ACAD11: variants seen among roughly 807,000 people sequenced by gnomAD.
The protein encoded by ACAD11 is acyl-CoA dehydrogenase family member 11, also known as acyl-Coenzyme A dehydrogenase family, member 11.
Under a neutral mutation model 102.2 loss-of-function variants are expected in ACAD11, and 83 were observed. That is an observed-to-expected ratio of 0.81 (90% CI 0.68 to 0.97). The LOEUF (loss-of-function observed/expected upper bound fraction) is 0.97, where lower values mean the gene tolerates loss of function less well. Among genes scored for constraint, ACAD11 ranks in the 50% least tolerant of loss-of-function variants. The probability of loss-of-function intolerance (pLI) is 0.00; values close to 1 mark genes in which losing one functional copy is unlikely to be tolerated. For synonymous variants in ACAD11, 324 were observed against 319.8 expected (o/e 1.01, Z -0.14); for missense variants, 901 against 951.7 (o/e 0.95, Z 0.70).
intron 5 of ACAD11, among the ~76,000 whole-genome samples, chr3:132,632,838 C>G (rs1940105062): frequency 1.3e-5 from 2 of 152,174 alleles, no homozygotes; most frequent in African/African-American, 4.8e-5. Flanking sequence ...CTCTTTGAAG[C>G]AATTGTGAAT....
At chr3:132,648,661 T>C (rs893142234) in intron 1 of ACAD11, 6 of 152,246 alleles carry the variant, frequency 3.9e-5, no homozygotes, top group African/African-American at 1.4e-4. Flanking sequence ...TTGCTGCTTT[T>C]TAATTTTACT....
intron 11 of ACAD11, among the ~76,000 whole-genome samples, chr3:132,610,149 A>G (rs891356074): frequency 5.9e-5 from 9 of 152,218 alleles, no homozygotes; most frequent in African/African-American, 1.9e-4. Context: ...GCTATTTATG[A>G]CAAACCCACA....
chr3:132,617,592 T>G (rs999482658), intron 11 of ACAD11, among the ~76,000 whole-genome samples: 5 of 152,196 alleles, frequency 3.3e-5, no homozygotes, highest in Admixed American at 6.5e-5. Context: ...CTCACCAGGA[T>G]TATTGCCACT....
intron 5 of ACAD11, among the ~76,000 whole-genome samples, chr3:132,638,609 T>C (rs1940362447): frequency 1.3e-5 from 2 of 152,284 alleles, no homozygotes; most frequent in South Asian, 4.1e-4. Context: ...CCAAGTCTAG[T>C]GGGTTCTAAT....
At chr3:132,562,443 G>C (rs72998120) in intron 17 of ACAD11, among the ~76,000 whole-genome samples, 3,763 of 152,286 alleles carry the variant, frequency 0.025, 160 homozygotes, top group African/African-American at 0.085. Context: ...TTTTTGTGTG[G>C]ACATGTTTTC....
chr3:132,576,770 A>G (rs983733751), intron 16 of ACAD11, among the ~76,000 whole-genome samples, 174 bp downstream of exon 16: 3 of 152,218 alleles, frequency 2.0e-5, no homozygotes, highest in African/African-American at 7.2e-5. Context: ...AAAAACTGCA[A>G]TTACCTTGGT....
Position 132,652,816 on chromosome 3 carries a change from G to A in ACAD11, c.149+6787C>T, listed in dbSNP as rs1242222736. Among the ~76,000 whole-genome samples the A allele has an allele frequency of 2.6e-5, 4 of 152,140 alleles. No homozygotes were observed. In the East Asian group the frequency reaches 7.7e-4, roughly 29 times the overall value. On this transcript the variant is annotated intron_variant, in intron 1 of 19. Coordinates refer to ENST00000264990, the MANE Select transcript of ACAD11 (RefSeq NM_032169.5). ...GGGTAGCTTCAGCCTGATCTCACCA[G>A]TGTGTAGGTGGGGGTAAAGGTAATG... is the stretch of plus-strand genomic sequence containing the variant.
In ACAD11 at chr3:132,598,914, G is replaced by A. The variant is rs375227147; in HGVS notation, c.1621+4315C>T. On this transcript the variant is annotated intron_variant, in intron 13 of 19. Transcript: ENST00000264990. The stretch of plus-strand genomic sequence containing the variant: ...CTTCCAGATGAGGAACAAAACAGAG[G>A]AGAGGTAGATTGGCAATTTAGAGAT... Among the ~76,000 whole-genome samples, 113 of 152,320 alleles carry A rather than the reference G, an allele frequency of 7.4e-4. 1 individual carries two copies. The highest frequency in any genetic ancestry group is 2.6e-3 in the African/African-American group (108 of 41,576).
intron 1 of ACAD11, among the ~76,000 whole-genome samples, chr3:132,658,546 T>A (rs1576633159): frequency 6.6e-6 from 1 of 152,222 alleles, no homozygotes; most frequent in East Asian, 1.9e-4. Flanking sequence ...CCACAGCAAT[T>A]GAAATAGTTG....
At chr3:132,651,893 A>T (rs201188618) in intron 1 of ACAD11, among the ~76,000 whole-genome samples, 30 of 152,128 alleles carry the variant, frequency 2.0e-4, no homozygotes, top group African/African-American at 6.5e-4. Flanking sequence ...CTTGCTTTTG[A>T]TTTTACAGGC....
chr3:132,655,303 G>A (rs544206468), intron 1 of ACAD11, among the ~76,000 whole-genome samples: 1 of 151,994 alleles, frequency 6.6e-6, no homozygotes, highest in Non-Finnish European at 1.5e-5. Context: ...CAGAGATTCT[G>A]TTTTTTTTGT....
intron 9 of ACAD11, among the ~76,000 whole-genome samples, chr3:132,624,498 G>A (rs1224535944): frequency 6.6e-6 from 1 of 150,982 alleles, no homozygotes; most frequent in East Asian, 2.0e-4. Flanking sequence ...CCAGCTACTT[G>A]GGAGGCTGAG....
intron 17 of ACAD11, among the ~76,000 whole-genome samples, chr3:132,574,772 G>A (rs1265262420): frequency 6.6e-6 from 1 of 152,154 alleles, no homozygotes; most frequent in East Asian, 1.9e-4. Context: ...CTACTTCTCT[G>A]TAGAAGACTT....
rs143745894 is a variant in ACAD11, at chr3:132,616,049, C to T, written c.1414+2585G>A. Among the ~76,000 whole-genome samples the T allele has an allele frequency of 3.3e-5, 5 of 152,294 alleles. No individual in the cohort carries two copies. In the East Asian group the frequency reaches 9.6e-4, roughly 29 times the overall value. ...GAAACCTCTCGAAGTATTTACTCAA[C>T]ATCAATTATACTGCCTTCTTCATCT... is the stretch of plus-strand genomic sequence containing the variant. On this transcript the variant is annotated intron_variant, in intron 11 of 19. Transcript: ENST00000264990.
intron 7 of ACAD11, among the ~76,000 whole-genome samples, chr3:132,628,912 T>C (rs1054777637): frequency 1.3e-5 from 2 of 152,230 alleles, no homozygotes; most frequent in Non-Finnish European, 2.9e-5. Context: ...ACAGTGTTAG[T>C]TGAATGCTAA....
In ACAD11 at chr3:132,619,449, G is replaced by A. The variant is rs1939529522; in HGVS notation, c.1275+19C>T. On this transcript the variant is annotated intron_variant, in intron 10 of 19. Coordinates refer to ENST00000264990, the MANE Select transcript of ACAD11 (RefSeq NM_032169.5). ...AAAACACTTGCATATGAATTTTCTAGCGTTAAAGATTTTCTTACCTTGAGT... is the reference window on the plus strand; with the variant it reads ...AAAACACTTGCATATGAATTTTCTAACGTTAAAGATTTTCTTACCTTGAGT... 1 of 1,533,404 alleles carries A rather than the reference G, an allele frequency of 6.5e-7. No homozygotes were observed. The highest frequency in any genetic ancestry group is 1.4e-5 in the African/African-American group (1 of 71,442). The allele number at this position is 1,533,404 out of a possible 1,614,324, so 95.0% of individuals were successfully genotyped here.
intron 13 of ACAD11, among the ~76,000 whole-genome samples, chr3:132,590,001 C>T (rs948568573): frequency 6.6e-6 from 1 of 152,174 alleles, no homozygotes; most frequent in Admixed American, 6.5e-5. Context: ...GGATAATAGC[C>T]TCCAGCTCCA....
chr3:132,619,732 TTAGA>T (rs1257074619), intron 9 of ACAD11, among the ~76,000 whole-genome samples, 187 bp from the exon 10 acceptor site: 1 of 152,160 alleles, frequency 6.6e-6, no homozygotes, highest in Admixed American at 6.5e-5. Flanking sequence ...TGCCACAATA[TTAGA>T]TAGTAGGCTA....
In ACAD11 at chr3:132,639,575, T is replaced by G; in HGVS notation, c.619A>C (p.Lys207Gln). 6.2e-7 allele frequency: 1 copy of G among 1,614,052 alleles called. No individual in the cohort carries two copies. The highest frequency in any genetic ancestry group is 8.5e-7 in the Non-Finnish European group (1 of 1,179,982). ...AMQQLSEWLM[K>Q]NLPDNDNEEN... ...TCATTGTCATTATCGGGCAAGTTCT[T>G]CATTAGCCACTCCGATAGCTGTTGC... The change falls in exon 5 of 20, where the codon AAG becomes CAG. Residue 207 changes from lysine to glutamine, a missense_variant. By Grantham distance (53) the Lys-to-Gln change is moderately conservative (BLOSUM62 1). Coordinates refer to ENST00000264990, the MANE Select transcript of ACAD11 (RefSeq NM_032169.5).
Sources: allele counts gnomAD v4.1 joint callset (sites outside exome capture counted in the v4.1 genomes callset), GRCh38; gene constraint gnomAD v4.1.1; transcripts MANE v1.5; gene names NCBI Gene and HGNC (gene_info 2026-07-23, HGNC 2026-07-21).